The following COA1 variants were observed in gnomAD, a reference collection of about 807,000 sequenced individuals.
COA1 encodes the protein cytochrome c oxidase assembly factor 1.
COA1 carries 13 observed loss-of-function variants against 16.0 expected under a neutral mutation model. That is an observed-to-expected ratio of 0.81 (90% confidence interval 0.53 to 1.29). The LOEUF (loss-of-function observed/expected upper bound fraction) is 1.29, where lower values mean the gene tolerates loss of function less well. Ranked by LOEUF, COA1 falls within the 50% of genes most tolerant of loss-of-function variation. COA1 has a pLI of 0.00. For missense variants in COA1, 179 were observed against 177.0 expected (o/e 1.01, Z -0.06); for synonymous variants, 65 against 65.7 (o/e 0.99, Z 0.05).
intron 6 of COA1, among the ~76,000 whole-genome samples, chr7:43,628,193 T>C (rs28403460): frequency 0.15 from 22,113 of 152,120 alleles, 2,176 homozygotes; most frequent in Non-Finnish European, 0.21. Context: ...GGTTGCACCA[T>C]GTTGGTCAAG....
intron 1 of COA1, among the ~76,000 whole-genome samples, chr7:43,691,278 AAAGAAAGAAAGAAAGAAAGAAAG>A (rs2094292598): frequency 2.9e-5 from 1 of 34,894 alleles, no homozygotes; most frequent in South Asian, 1.3e-3. Flanking sequence ...AGAAAGAAAG[AAAGAAAGAAAGAAAGAAAGAAAG>A]AAAGAAAGAA....
chr7:43,651,599 G>A (rs2090788983), intron 1 of COA1, among the ~76,000 whole-genome samples: 2 of 149,946 alleles, frequency 1.3e-5, no homozygotes, highest in South Asian at 4.2e-4. Flanking sequence ...GGGAGTTCAA[G>A]CCATAGACAG....
chr7:43,718,633 T>C (rs1319443305), intron 1 of COA1, among the ~76,000 whole-genome samples: 1 of 152,206 alleles, frequency 6.6e-6, no homozygotes, highest in African/African-American at 2.4e-5. Context: ...CCAAGGTGAA[T>C]AGTATGCATT....
chr7:43,653,641 A>G (rs1016943384), intron 1 of COA1, among the ~76,000 whole-genome samples: 5 of 152,062 alleles, frequency 3.3e-5, no homozygotes, highest in African/African-American at 1.2e-4. Context: ...CCCTTTGTTA[A>G]GCTGAGTTAA....
At position 43,728,393 on chromosome 7, in the gene COA1, G is replaced by A. The variant is rs377188091; in HGVS notation, c.-39+1036C>T. On this transcript the variant is annotated intron_variant, in intron 1 of 5. Coordinates refer to ENST00000223336, the MANE Select transcript of COA1 (RefSeq NM_018224.4). ...TTCATTTTATCCCGTTTTTAAAACA[G>A]TGCCTAGCAATATTATGAATTCAAT... Among the ~76,000 whole-genome samples the A allele has an allele frequency of 1.1e-3, 163 of 152,220 alleles. 3 individuals carry two copies. In the South Asian group the frequency reaches 0.032, roughly 30 times the overall value.
At chr7:43,632,000 A>G (rs912075348) in intron 6 of COA1, 4 of 152,240 alleles carry the variant, frequency 2.6e-5, no homozygotes, top group African/African-American at 9.6e-5. Context: ...TCTTAAAGTA[A>G]GACAACAGTG....
At chr7:43,619,855 C>T in intron 6 of COA1, 1 of 1,220,572 alleles carries the variant, frequency 8.2e-7, no homozygotes, top group Non-Finnish European at 1.1e-6. Context: ...AGATCTATTC[C>T]TTTGGATTAC....
At chr7:43,613,687 T>TA (rs2083081742) in intron 6 of COA1, among the ~76,000 whole-genome samples, 1 of 151,600 alleles carries the variant, frequency 6.6e-6, no homozygotes, top group African/African-American at 2.4e-5. Flanking sequence ...CACAAAAAAT[T>TA]AAAAAAATCA....
At chr7:43,626,064 C>T (rs2084501531) in intron 6 of COA1, 2 of 152,062 alleles carry the variant, frequency 1.3e-5, no homozygotes, top group African/African-American at 2.4e-5. Context: ...TGCCGAATAC[C>T]TTAAAGTAAC....
At chr7:43,662,818 G>A (rs1459926938) in intron 1 of COA1, among the ~76,000 whole-genome samples, 4 of 152,172 alleles carry the variant, frequency 2.6e-5, no homozygotes, top group Non-Finnish European at 4.4e-5. Context: ...AAGGGGCCCT[G>A]ACGCCAAAAT....
chr7:43,694,225 C>A (rs184358403), intron 1 of COA1, among the ~76,000 whole-genome samples: 3 of 148,618 alleles, frequency 2.0e-5, no homozygotes, highest in Admixed American at 1.4e-4. Flanking sequence ...TTAGTCACAT[C>A]AGCATCAAAA....
At chr7:43,709,516 T>A (rs2131673950) in intron 1 of COA1, among the ~76,000 whole-genome samples, 1 of 151,284 alleles carries the variant, frequency 6.6e-6, no homozygotes, top group Non-Finnish European at 1.5e-5. Flanking sequence ...TCAGCACTAT[T>A]TACTGAAATA....
intron 6 of COA1, among the ~76,000 whole-genome samples, chr7:43,610,995 T>C (rs1162196109): frequency 6.6e-6 from 1 of 152,092 alleles, no homozygotes; most frequent in Non-Finnish European, 1.5e-5. Context: ...CAGGCACCTG[T>C]AATCCCAGCT....
intron 4 of COA1, 44 bp from the exon 5 acceptor site, chr7:43,640,693 T>C (rs747355954): frequency 7.4e-7 from 1 of 1,353,142 alleles, no homozygotes; most frequent in East Asian, 2.4e-5. Flanking sequence ...AATTGGATAA[T>C]TATTGTCATT....
intron 1 of COA1, chr7:43,658,598 T>C (rs1159038545): frequency 6.6e-6 from 1 of 152,202 alleles, no homozygotes; most frequent in African/African-American, 2.4e-5. Flanking sequence ...TCTACTCTAA[T>C]TTCACTCCTA....
At chr7:43,662,286 G>A (rs1199140007) in intron 1 of COA1, among the ~76,000 whole-genome samples, 4 of 152,230 alleles carry the variant, frequency 2.6e-5, no homozygotes, top group Non-Finnish European at 5.9e-5. Flanking sequence ...CTGGAGTGCA[G>A]TGGCACGATC....
chr7:43,639,348 T>G lies in COA1; in HGVS notation c.*234A>C, dbSNP rs1237334415. 2 of 359,448 alleles carry G rather than the reference T, an allele frequency of 5.6e-6. No homozygotes were observed. The highest frequency in any genetic ancestry group is 2.1e-5 in the African/African-American group (1 of 48,226). The allele number at this position is 359,448 out of a possible 1,614,324, so 22.3% of individuals were successfully genotyped here. A position where few individuals can be genotyped will look rare whatever the true frequency, so the allele number is the denominator to read the frequency against. ...TCAAATACATTACATTATCTTAAAT[T>G]TATAATAGGAGTTTCTTTCGGATTC... On this transcript the variant is annotated 3_prime_UTR_variant, in exon 6 of 6. Coordinates refer to ENST00000223336, the MANE Select transcript of COA1 (RefSeq NM_018224.4).
intron 1 of COA1, among the ~76,000 whole-genome samples, chr7:43,707,674 G>C (rs1166573843): frequency 1.3e-5 from 2 of 152,044 alleles, no homozygotes; most frequent in African/African-American, 4.8e-5. Flanking sequence ...ATGTTTTTAA[G>C]GTTCATCCAT....
intron 1 of COA1, among the ~76,000 whole-genome samples, chr7:43,688,684 G>A (rs781709366): frequency 1.3e-5 from 2 of 152,044 alleles, no homozygotes; most frequent in South Asian, 2.1e-4. Context: ...GTTTCATAAC[G>A]TCAGGGGCTC....
Sources: allele counts gnomAD v4.1 joint callset (sites outside exome capture counted in the v4.1 genomes callset), GRCh38; gene constraint gnomAD v4.1.1; transcripts MANE v1.5; gene names NCBI Gene and HGNC (gene_info 2026-07-23, HGNC 2026-07-21).